BMS1: variants seen among roughly 807,000 people sequenced by gnomAD.
BMS1 encodes ribosome biogenesis protein BMS1 homolog.
A neutral mutation model predicts 138.7 loss-of-function variants in BMS1; 53 were observed. That is an observed-to-expected ratio of 0.38 (90% CI 0.31 to 0.48). BMS1 has a LOEUF of 0.48. BMS1 is among the 20% of genes least tolerant of loss of function. BMS1 has a pLI of 0.97. For missense variants in BMS1, 1,360 were observed against 1,565.5 expected, an observed-to-expected ratio of 0.87 and a Z score of 2.22; for synonymous variants, 504 against 539.9, an observed-to-expected ratio of 0.93 and a Z score of 0.92.
chr10:42,795,563 C>A lies in BMS1; in HGVS notation c.1230-911C>A, dbSNP rs193236016. 6.3e-4 allele frequency among the ~76,000 whole-genome samples: 96 copies of A among 152,038 alleles called. No individual in the cohort carries two copies. In the Middle Eastern group the frequency reaches 0.027, roughly 43 times the overall value. ...CTCAAACTCCTGGGCTCAAGCAATC[C>A]TCCTGCCTTGGCCTCCCAAAGTTCT... On this transcript the variant is annotated intron_variant, in intron 9 of 22. Transcript: ENST00000374518.
rs558994321 is a variant in BMS1 at position 42,814,919 on chromosome 10, G to A, written c.2330-1680G>A. Among the ~76,000 whole-genome samples the A allele has an allele frequency of 5.3e-5, 8 of 152,234 alleles. No homozygotes were observed. The East Asian group carries it at 1.2e-3, about 22-fold the overall frequency. On this transcript the variant is annotated intron_variant, in intron 13 of 22. Transcript: ENST00000374518. Reference sequence around the variant, plus strand: ...TGCCTGGGTTGCCTTCTATTGCTACGTTGGGAGTTGGGAAACTCTGGGCCT... The same window carrying A: ...TGCCTGGGTTGCCTTCTATTGCTACATTGGGAGTTGGGAAACTCTGGGCCT...
rs1017907228 is a variant in BMS1, at chr10:42,818,473, A to G, written c.2580+979A>G. ...AACCAGAAGGCTGGCAGTGGAGATG[A>G]GAGAAAGAGTCAAACCCGGATAGAC... On this transcript the variant is annotated intron_variant, in intron 15 of 22. Coordinates refer to ENST00000374518, the MANE Select transcript of BMS1 (RefSeq NM_014753.4). Among the ~76,000 whole-genome samples the G allele has an allele frequency of 1.3e-4, 20 of 152,196 alleles. 1 individual carries two copies. Among genetic ancestry groups the G allele is most frequent in the Non-Finnish European group, 1.8e-4 (12 of 68,036 alleles).
chr10:42,804,776 G>A (rs558579610), intron 13 of BMS1, among the ~76,000 whole-genome samples: 3 of 151,498 alleles, frequency 2.0e-5, no homozygotes, highest in South Asian at 2.1e-4. Flanking sequence ...CCCAGAGTGC[G>A]ATGTGATCTC....
At chr10:42,820,167 T>C (rs1160779461) in intron 15 of BMS1, 69 bp from the exon 16 acceptor site, 1 of 1,557,996 alleles carries the variant, frequency 6.4e-7, no homozygotes, top group Non-Finnish European at 8.7e-7. Context: ...ATTGCTCATT[T>C]GTTCATGTTA....
chr10:42,799,881 G>A lies in BMS1; in HGVS notation c.2247+1256G>A, dbSNP rs555204627. 7.2e-5 allele frequency among the ~76,000 whole-genome samples: 11 copies of A among 152,180 alleles called. No individual in the cohort carries two copies. In the East Asian group the frequency reaches 1.9e-3, roughly 27 times the overall value. ...TTCAGTCTATCTTTTAACATTTTTA[G>A]TCAACAGTCTTTCCTTCCCATTTCT... On this transcript the variant is annotated intron_variant, in intron 12 of 22. Coordinates refer to ENST00000374518, the MANE Select transcript of BMS1 (RefSeq NM_014753.4).
chr10:42,826,025 C>T (rs1204232049), intron 21 of BMS1, among the ~76,000 whole-genome samples: 1 of 152,162 alleles, frequency 6.6e-6, no homozygotes, highest in Non-Finnish European at 1.5e-5. Context: ...TTGAGGTGAA[C>T]ATGTCGTTTT....
chr10:42,797,009 G>T lies in BMS1; in HGVS notation c.1765G>T (p.Ala589Ser), dbSNP rs1227984292. The change falls in exon 10 of 23, where the codon GCA becomes TCA. Residue 589 changes from alanine to serine, a missense_variant. Around this residue, in one of 3 missense-constraint regions of BMS1, gnomAD observed 697 missense variants for 686.2 expected, o/e 1.02. Transcript: ENST00000374518. ...SGHCTAEEVF[A>S]SEDESEESSS... is the part of the protein sequence containing the mutation. ...GCATTGCACAGCTGAAGAGGTGTTTGCATCTGAAGATGAATCTGAAGAAAG... is the reference window on the plus strand; with the variant it reads ...GCATTGCACAGCTGAAGAGGTGTTTTCATCTGAAGATGAATCTGAAGAAAG... The T allele has an allele frequency of 1.2e-6, 2 of 1,614,184 alleles. No homozygotes were observed. The highest frequency in any genetic ancestry group is 1.7e-5 in the Admixed American group (1 of 60,024).
Position 42,794,102 on chromosome 10 carries a change from TG to T in BMS1, c.1229+112del, listed in dbSNP as rs1158685680. 83 of 1,269,540 alleles carry T rather than the reference TG, an allele frequency of 6.5e-5. No homozygotes were observed. In the African/African-American group the frequency reaches 1.1e-3, roughly 17 times the overall value. 78.6% of individuals were successfully genotyped at this position (1,269,540 alleles called of 1,614,324 possible). A position where few individuals can be genotyped will look rare whatever the true frequency, so the allele number is the denominator to read the frequency against. ...CGGTGGGATTCATTCTATGTTGTTTTGTTTTTCTTTGTGTGTGCATGTGTCT... is the reference window on the plus strand; with the variant it reads ...CGGTGGGATTCATTCTATGTTGTTTTTTTTTCTTTGTGTGTGCATGTGTCT... On this transcript the variant is annotated intron_variant, in intron 9 of 22. Coordinates refer to ENST00000374518, the MANE Select transcript of BMS1 (RefSeq NM_014753.4).
intron 9 of BMS1, among the ~76,000 whole-genome samples, chr10:42,795,088 T>C (rs1051783325): frequency 1.4e-5 from 2 of 142,652 alleles, no homozygotes; most frequent in Non-Finnish European, 3.2e-5. Flanking sequence ...ACAAAGGACA[T>C]GAACTCATCC....
rs1216575506 is a variant in BMS1, at chr10:42,833,453, A to C, written c.*2357A>C. ...GTGTAAACATCATAGAGTGACACAC[A>C]AACCTAGATGGTACAGCCTACTGTG... is the stretch of plus-strand genomic sequence containing the variant. On this transcript the variant is annotated 3_prime_UTR_variant, in exon 23 of 23. Transcript: ENST00000374518. 1 of 150,762 alleles carries C rather than the reference A, an allele frequency of 6.6e-6. No homozygotes were observed. Among genetic ancestry groups the C allele is most frequent in the Non-Finnish European group, 1.5e-5 (1 of 67,928 alleles). The allele number at this position is 150,762 out of a possible 1,614,324, so 9.3% of individuals were successfully genotyped here.
intron 11 of BMS1, among the ~76,000 whole-genome samples, 184 bp from the exon 12 acceptor site, chr10:42,798,284 C>G (rs939645742): frequency 6.6e-6 from 1 of 152,224 alleles, no homozygotes; most frequent in East Asian, 1.9e-4. Flanking sequence ...CTTCCTGGCT[C>G]TCTTCATCTG....
chr10:42,831,120 C>T lies in BMS1; in HGVS notation c.*24C>T. 1.3e-6 allele frequency: 2 copies of T among 1,546,664 alleles called. No homozygotes were observed. The highest frequency in any genetic ancestry group is 1.7e-6 in the Non-Finnish European group (2 of 1,144,422). ...GAGCCTTTGGACTGGAGGGACTGTC[C>T]CTGGATCTGCGGAGGTAGACAGTTT... On this transcript the variant is annotated 3_prime_UTR_variant, in exon 23 of 23. Transcript: ENST00000374518.
rs778908595 is a variant in BMS1, at chr10:42,790,468, CAAAG to C, written c.596_599del (p.Lys199SerfsTer3). 4 of 1,613,886 alleles carry C rather than the reference CAAAG, an allele frequency of 2.5e-6. No individual in the cohort carries two copies. The highest frequency in any genetic ancestry group is 1.3e-5 in the African/African-American group (1 of 75,006). ...AAGCATAATAAGCAACTGAAGAAGACAAAGAAGCGATTAAAACACAGGTTCTGGA... is the reference window on the plus strand; with the variant it reads ...AAGCATAATAAGCAACTGAAGAAGACAAGCGATTAAAACACAGGTTCTGGA... On this transcript the variant is annotated frameshift_variant, in exon 5 of 23. Coordinates refer to ENST00000374518, the MANE Select transcript of BMS1 (RefSeq NM_014753.4). LOFTEE classifies it high-confidence loss of function.
intron 2 of BMS1, among the ~76,000 whole-genome samples, 194 bp downstream of exon 2, chr10:42,784,764 GGTTA>G (rs1277230246): frequency 4.6e-5 from 7 of 152,152 alleles, no homozygotes; most frequent in Non-Finnish European, 7.4e-5. Flanking sequence ...TCTGCATACT[GGTTA>G]GTGTTTATTG....
In BMS1 at chr10:42,832,808, TTCA is replaced by T. The variant is rs1842823499; in HGVS notation, c.*1718_*1720del. On this transcript the variant is annotated 3_prime_UTR_variant, in exon 23 of 23. Transcript: ENST00000374518. ...CTGTTCCTCAAGAGCTATTATGAAT[TTCA>T]TCATCCATTATGCTGATAGGCCTGG... The T allele has an allele frequency of 6.6e-6, 1 of 152,202 alleles. No individual in the cohort carries two copies. Among genetic ancestry groups the T allele is most frequent in the South Asian group, 2.1e-4 (1 of 4,824 alleles). 9.4% of individuals were successfully genotyped at this position (152,202 alleles called of 1,614,324 possible).
rs1438811080 is a variant in BMS1, at chr10:42,824,512, A to G, written c.3456+728A>G. On this transcript the variant is annotated intron_variant, in intron 21 of 22. Transcript: ENST00000374518. ...TGCAGTCCTCCTTGTTTATGTTTAC[A>G]TTTGTAGCCTGGCTTGTGGTGCGAT... Among the ~76,000 whole-genome samples, 3 of 152,120 alleles carry G rather than the reference A, an allele frequency of 2.0e-5. No individual in the cohort carries two copies. The East Asian group carries it at 5.8e-4, about 29-fold the overall frequency.
intron 9 of BMS1, 97 bp downstream of exon 9, chr10:42,794,088 A>G (rs1564412300): frequency 7.2e-7 from 1 of 1,385,682 alleles, no homozygotes; most frequent in Non-Finnish European, 9.9e-7. Context: ...GGTGGGATTC[A>G]TTCTATGTTG....
chr10:42,813,931 T>C (rs1408568022), intron 13 of BMS1, among the ~76,000 whole-genome samples: 10 of 152,216 alleles, frequency 6.6e-5, no homozygotes, highest in Non-Finnish European at 1.5e-4. Context: ...GGTTTGGTTT[T>C]TTTGTTTGTT....
At chr10:42,829,720 G>A (rs1251442371) in intron 21 of BMS1, among the ~76,000 whole-genome samples, 1 of 152,018 alleles carries the variant, frequency 6.6e-6, no homozygotes, top group African/African-American at 2.4e-5. Context: ...TACTTGGGAG[G>A]CTGAGACAGG....
Sources: allele counts gnomAD v4.1 joint callset (sites outside exome capture counted in the v4.1 genomes callset), GRCh38; gene constraint gnomAD v4.1.1; regional missense constraint gnomAD v4.1.1; transcripts MANE v1.5; gene names NCBI Gene and HGNC (gene_info 2026-07-23, HGNC 2026-07-21).